GCNT2: variants seen among roughly 807,000 people sequenced by gnomAD.
GCNT2 encodes the protein N-acetyllactosaminide beta-1,6-N-acetylglucosaminyl-transferase.
GCNT2 carries 34 observed loss-of-function variants against 34.2 expected under a neutral mutation model. The observed-to-expected ratio is 1.00, with a 90% CI of 0.76 to 1.32. GCNT2 has a LOEUF of 1.32. GCNT2 is among the 40% of genes most tolerant of loss of function. The probability of loss-of-function intolerance (pLI) is 0.00; values close to 1 mark genes in which losing one functional copy is unlikely to be tolerated. For synonymous variants in GCNT2, 212 were observed against 188.0 expected, an observed-to-expected ratio of 1.13 and a Z score of -1.04; for missense variants, 584 against 489.4, an observed-to-expected ratio of 1.19 and a Z score of -1.82.
At chr6:10,535,064 A>AC (rs1316111429) in intron 3 of GCNT2, among the ~76,000 whole-genome samples, 1 of 151,924 alleles carries the variant, frequency 6.6e-6, no homozygotes, top group Non-Finnish European at 1.5e-5. Flanking sequence ...CATGCCTGTA[A>AC]CCCCAGCTAC....
At chr6:10,626,393 T>C in intron 4 of GCNT2, 24 bp from the exon 5 acceptor site, 2 of 1,568,120 alleles carry the variant, frequency 1.3e-6, no homozygotes, top group Non-Finnish European at 8.8e-7. Flanking sequence ...GTTTTGACTC[T>C]GTTTCTTGTT....
intron 3 of GCNT2, among the ~76,000 whole-genome samples, chr6:10,550,164 C>T (rs987599669): frequency 8.5e-5 from 13 of 152,108 alleles, no homozygotes; most frequent in Non-Finnish European, 1.5e-5. Flanking sequence ...AGTAATTCTT[C>T]TGTCTCAGCC....
At chr6:10,542,622 A>C (rs1762085897) in intron 3 of GCNT2, among the ~76,000 whole-genome samples, 1 of 152,170 alleles carries the variant, frequency 6.6e-6, no homozygotes, top group African/African-American at 2.4e-5. Context: ...TTTCATGCGT[A>C]GCTCCTTTTA....
At chr6:10,585,842 G>A in intron 3 of GCNT2, 5 of 1,492,934 alleles carry the variant, frequency 3.3e-6, no homozygotes, top group South Asian at 1.4e-5. Flanking sequence ...AGAGGATACA[G>A]GAGGATTAAA....
chr6:10,531,683 G>A (rs979661291), intron 3 of GCNT2, among the ~76,000 whole-genome samples: 5 of 152,160 alleles, frequency 3.3e-5, no homozygotes, highest in African/African-American at 1.2e-4. Context: ...AGGAAAGTCT[G>A]GTGGGGAAAG....
rs571181040 is a variant in GCNT2 at position 10,570,123 on chromosome 6, TG to T, written c.925+40291del. ...GCTAATTTTGTAATTTTTGTAGATA[TG>T]GGGTTTTGCCATGTTACTCAGGCTG... On this transcript the variant is annotated intron_variant, in intron 3 of 4. Coordinates refer to ENST00000495262, the MANE Select transcript of GCNT2 (RefSeq NM_145649.5). Among the ~76,000 whole-genome samples, 231 of 152,238 alleles carry T rather than the reference TG, an allele frequency of 1.5e-3. 1 individual carries two copies. The highest frequency in any genetic ancestry group is 5.1e-3 in the African/African-American group (211 of 41,538).
intron 3 of GCNT2, among the ~76,000 whole-genome samples, chr6:10,605,210 T>TTTTTTTC (rs1765257746): frequency 2.6e-5 from 1 of 38,310 alleles, no homozygotes; most frequent in African/African-American, 5.9e-5. Flanking sequence ...ATGTAGGAAT[T>TTTTTTTC]TTTTTTTTTT....
chr6:10,550,654 T>A (rs1464338820), intron 3 of GCNT2, among the ~76,000 whole-genome samples: 1 of 152,180 alleles, frequency 6.6e-6, no homozygotes, highest in Non-Finnish European at 1.5e-5. Flanking sequence ...GCTAACTTTT[T>A]AATTTTTTTG....
intron 1 of GCNT2, among the ~76,000 whole-genome samples, chr6:10,525,805 G>A (rs933733822): frequency 1.3e-5 from 2 of 152,112 alleles, no homozygotes; most frequent in African/African-American, 4.8e-5. Flanking sequence ...ACAAGTGTTC[G>A]TTACCCTGCA....
Position 10,528,855 on chromosome 6 carries a change from A to G in GCNT2, c.-57A>G. The G allele has an allele frequency of 7.4e-7, 1 of 1,354,890 alleles. No homozygotes were observed. 83.9% of individuals were successfully genotyped at this position (1,354,890 alleles called of 1,614,324 possible). On this transcript the variant is annotated 5_prime_UTR_variant, in exon 3 of 5. In the 5' UTR this introduces an upstream ATG that the reference lacks. Coordinates refer to ENST00000495262, the MANE Select transcript of GCNT2 (RefSeq NM_145649.5). ...CCTGGAGAAAATGTAAGTTAAATATATCTACACTCTGATCCTATCTCAAGA... is the reference window on the plus strand; with the variant it reads ...CCTGGAGAAAATGTAAGTTAAATATGTCTACACTCTGATCCTATCTCAAGA...
chr6:10,528,977 T>A lies in GCNT2; in HGVS notation c.66T>A (p.Phe22Leu). The change falls in exon 3 of 5, where the codon TTT becomes TTA. Residue 22 changes from phenylalanine (F) to leucine (L), a missense_variant. Coordinates refer to ENST00000495262, the MANE Select transcript of GCNT2 (RefSeq NM_145649.5). ...ASLISALIFV[F>L]VYNTELWENK... ...TTATCTCTGCCCTGATTTTTGTATT[T>A]GTTTACAATACTGAGTTATGGGAGA... 6.2e-7 allele frequency: 1 copy of A among 1,614,050 alleles called. No individual in the cohort carries two copies. Among genetic ancestry groups the A allele is most frequent in the Non-Finnish European group, 8.5e-7 (1 of 1,179,884 alleles).
intron 2 of GCNT2, 111 bp downstream of exon 2, chr6:10,527,771 A>G (rs1291668411): frequency 6.6e-6 from 1 of 151,612 alleles, no homozygotes; most frequent in Admixed American, 6.6e-5. Flanking sequence ...CTGCTTTACC[A>G]CCCCAATCTG....
intron 3 of GCNT2, among the ~76,000 whole-genome samples, chr6:10,531,591 C>T (rs1456864893): frequency 6.6e-6 from 1 of 152,186 alleles, no homozygotes; most frequent in African/African-American, 2.4e-5. Context: ...TACAAAGCTT[C>T]ATAGGCTTAG....
intron 3 of GCNT2, among the ~76,000 whole-genome samples, chr6:10,582,213 T>A (rs1246471188): frequency 1.8e-5 from 2 of 111,852 alleles, no homozygotes; most frequent in African/African-American, 6.7e-5. Context: ...AAATTTATTA[T>A]ATATATAATT....
Position 10,569,275 on chromosome 6 carries a change from C to CACA in GCNT2, c.925+39439_925+39440insACA, listed in dbSNP as rs1491437125. Among the ~76,000 whole-genome samples the CACA allele has an allele frequency of 2.6e-3, 267 of 101,358 alleles. 18 individuals carry two copies. Among genetic ancestry groups the CACA allele is most frequent in the Non-Finnish European group, 3.2e-3 (160 of 49,578 alleles). 66.5% of individuals were successfully genotyped at this position (101,358 alleles called of 152,430 possible). ...CACACACACACACACACACACACAC[C>CACA]CCCTAGGTAATTTTGCCAAATCCTG... On this transcript the variant is annotated intron_variant, in intron 3 of 4. Transcript: ENST00000495262.
intron 3 of GCNT2, chr6:10,586,734 A>AT (rs1561820040): frequency 6.2e-7 from 1 of 1,614,110 alleles, no homozygotes; most frequent in Non-Finnish European, 8.5e-7. Context: ...AAATACTAAT[A>AT]TTTTGAAAAC....
intron 1 of GCNT2, chr6:10,521,645 T>C (rs1561770781): frequency 6.9e-6 from 1 of 144,592 alleles, no homozygotes; most frequent in Admixed American, 6.9e-5. Flanking sequence ...GAGATTTCTG[T>C]TTTCAAAGGT....
chr6:10,607,018 C>T (rs1008034292), intron 3 of GCNT2, among the ~76,000 whole-genome samples: 1 of 152,024 alleles, frequency 6.6e-6, no homozygotes, highest in Non-Finnish European at 1.5e-5. Context: ...GTGACCTCGG[C>T]TCACTGCAAC....
chr6:10,556,100 AAG>A (rs1388925860), intron 3 of GCNT2: 5 of 1,229,038 alleles, frequency 4.1e-6, no homozygotes, highest in East Asian at 4.8e-5. Context: ...TGCCGGGGGA[AAG>A]AGAGTTACCG....
Sources: allele counts gnomAD v4.1 joint callset (sites outside exome capture counted in the v4.1 genomes callset), GRCh38; gene constraint gnomAD v4.1.1; transcripts MANE v1.5; gene names NCBI Gene and HGNC (gene_info 2026-07-23, HGNC 2026-07-21).